Variants in MGME1 observed in about 807,000 individuals in gnomAD.
MGME1 encodes chromosome 20 open reading frame 72.
In MGME1, 22 loss-of-function variants were observed where a neutral mutation model predicts 33.0. The observed-to-expected ratio is 0.67, with a 90% CI of 0.48 to 0.95. The LOEUF (loss-of-function observed/expected upper bound fraction) is 0.95. MGME1 is among the 40% of genes least tolerant of loss of function. MGME1 has a pLI of 0.00. For synonymous variants in MGME1, 133 were observed against 144.0 expected (o/e 0.92, Z 0.55); for missense variants, 383 against 397.8 (o/e 0.96, Z 0.32).
chr20:17,990,409 T>TGGGGG lies in MGME1; in HGVS notation c.*300_*301insGGGGG, dbSNP rs1555792141. 1 of 64,014 alleles carries TGGGGG rather than the reference T, an allele frequency of 1.6e-5. No homozygotes were observed. The highest frequency in any genetic ancestry group is 3.0e-4 in the East Asian group (1 of 3,298). 4.0% of individuals were successfully genotyped at this position (64,014 alleles called of 1,614,324 possible). A position where few individuals can be genotyped will look rare whatever the true frequency, so the allele number is the denominator to read the frequency against. On this transcript the variant is annotated 3_prime_UTR_variant, in exon 5 of 5. Coordinates refer to ENST00000377710, the MANE Select transcript of MGME1 (RefSeq NM_052865.4). ...GACTCTTGTACTCCCTTGAGGGACA[T>TGGGGG]TGGGGGGGGGGGGGCGTGGTCCCAG...
intron 3 of MGME1, 43 bp downstream of exon 3, chr20:17,975,946 A>G: frequency 6.8e-7 from 1 of 1,467,466 alleles, no homozygotes; most frequent in African/African-American, 1.4e-5. Context: ...CGTAGGACAG[A>G]TGGTGCCTGT....
intron 3 of MGME1, among the ~76,000 whole-genome samples, chr20:17,976,459 C>G (rs12624630): frequency 0.29 from 43,387 of 151,798 alleles, 6,822 homozygotes; most frequent in African/African-American, 0.43. Context: ...GCCTGTTTGC[C>G]AGCCTGTCCT....
At chr20:17,981,008 AACCACCCGT>A (rs1178792451) in intron 3 of MGME1, among the ~76,000 whole-genome samples, 1 of 152,082 alleles carries the variant, frequency 6.6e-6, no homozygotes, top group Non-Finnish European at 1.5e-5. Context: ...AATTCTGTTG[AACCACCCGT>A]GGCCAAAGGC....
intron 3 of MGME1, among the ~76,000 whole-genome samples, chr20:17,987,215 G>A (rs1313592209): frequency 2.0e-5 from 3 of 150,158 alleles, no homozygotes. Context: ...GCATCCTAGA[G>A]TTACTGGGGC....
intron 3 of MGME1, among the ~76,000 whole-genome samples, chr20:17,981,298 C>T: frequency 6.6e-6 from 1 of 152,270 alleles, no homozygotes; most frequent in South Asian, 2.1e-4. Flanking sequence ...AGATATTGGG[C>T]TCAGGAGCCA....
chr20:17,970,503 AT>A, intron 2 of MGME1, 133 bp downstream of exon 2: 1 of 815,390 alleles, frequency 1.2e-6, no homozygotes, highest in Non-Finnish European at 1.9e-6. Flanking sequence ...AGTAATTAAC[AT>A]TAAATAGCAC....
At chr20:17,987,170 T>TAAAAA (rs373017515) in intron 3 of MGME1, among the ~76,000 whole-genome samples, 1 of 122,436 alleles carries the variant, frequency 8.2e-6, no homozygotes, top group Non-Finnish European at 1.6e-5. Flanking sequence ...AGACTCCATC[T>TAAAAA]AAAAAAAAAA....
intron 3 of MGME1, among the ~76,000 whole-genome samples, chr20:17,987,555 T>C (rs2036184766): frequency 6.7e-6 from 1 of 149,832 alleles, no homozygotes; most frequent in Admixed American, 6.7e-5. Flanking sequence ...TTCAGCTGTA[T>C]TTTTTTTTTC....
At chr20:17,977,954 A>G (rs1323969991) in intron 3 of MGME1, among the ~76,000 whole-genome samples, 1 of 152,202 alleles carries the variant, frequency 6.6e-6, no homozygotes, top group Admixed American at 6.5e-5. Flanking sequence ...AGATAGAAAA[A>G]TCCGTTCATG....
chr20:17,975,532 G>A lies in MGME1; in HGVS notation c.512-152G>A, dbSNP rs370429081. The stretch of plus-strand genomic sequence containing the variant: ...ATATCGCCCACTACACTCCAGCCTG[G>A]GCGACAGAGGGAGACTCCATCCAAA... On this transcript the variant is annotated intron_variant, in intron 2 of 4. Coordinates refer to ENST00000377710, the MANE Select transcript of MGME1 (RefSeq NM_052865.4). 6.8e-5 allele frequency: 42 copies of A among 617,906 alleles called. 1 individual carries two copies. In the African/African-American group the frequency reaches 7.4e-4, roughly 11 times the overall value. 38.3% of individuals were successfully genotyped at this position (617,906 alleles called of 1,614,324 possible). A position where few individuals can be genotyped will look rare whatever the true frequency, so the allele number is the denominator to read the frequency against.
rs1035649400 is a variant in MGME1 at position 17,991,065 on chromosome 20, A to G, written c.*956A>G. 1.3e-5 allele frequency: 2 copies of G among 152,226 alleles called. No individual in the cohort carries two copies. Among genetic ancestry groups the G allele is most frequent in the African/African-American group, 2.4e-5 (1 of 41,464 alleles). 9.4% of individuals were successfully genotyped at this position (152,226 alleles called of 1,614,324 possible). A position where few individuals can be genotyped will look rare whatever the true frequency, so the allele number is the denominator to read the frequency against. ...TGCCTTAAAATAGTAGCCTGCTACA[A>G]TGACTTCTTTGGGTAGCCATTTTCA... On this transcript the variant is annotated 3_prime_UTR_variant, in exon 5 of 5. Transcript: ENST00000377710.
chr20:17,977,692 A>G (rs2035903819), intron 3 of MGME1, among the ~76,000 whole-genome samples: 1 of 152,216 alleles, frequency 6.6e-6, no homozygotes, highest in Non-Finnish European at 1.5e-5. Flanking sequence ...TTCGTTCTCC[A>G]GATATCAGGG....
chr20:17,971,925 A>G lies in MGME1; in HGVS notation c.511+1555A>G, dbSNP rs1387989227. Among the ~76,000 whole-genome samples, 3 of 152,042 alleles carry G rather than the reference A, an allele frequency of 2.0e-5. No homozygotes were observed. In the East Asian group the frequency reaches 5.8e-4, roughly 29 times the overall value. ...TAATTTTTTTATTTTTTGTAGCGAC[A>G]AGGGTCTCCCTATGTTGCCCAGGCT... is the stretch of plus-strand genomic sequence containing the variant. On this transcript the variant is annotated intron_variant, in intron 2 of 4. Coordinates refer to ENST00000377710, the MANE Select transcript of MGME1 (RefSeq NM_052865.4).
intron 3 of MGME1, among the ~76,000 whole-genome samples, chr20:17,981,310 C>G (rs566649216): frequency 1.3e-5 from 2 of 152,274 alleles, no homozygotes; most frequent in East Asian, 3.9e-4. Flanking sequence ...CAGGAGCCAG[C>G]TGCTTGAGTT....
chr20:17,987,275 T>G (rs1267210111), intron 3 of MGME1, among the ~76,000 whole-genome samples: 1 of 151,930 alleles, frequency 6.6e-6, no homozygotes, highest in African/African-American at 2.4e-5. Flanking sequence ...TACAAAACAA[T>G]TCTGAAGACA....
intron 3 of MGME1, among the ~76,000 whole-genome samples, chr20:17,980,187 A>T (rs928383579): frequency 6.6e-6 from 1 of 151,404 alleles, no homozygotes; most frequent in Non-Finnish European, 1.5e-5. Context: ...TACCATACCC[A>T]GCTCATTTTT....
chr20:17,977,212 C>T (rs2035891595), intron 3 of MGME1, among the ~76,000 whole-genome samples: 1 of 151,752 alleles, frequency 6.6e-6, no homozygotes, highest in Non-Finnish European at 1.5e-5. Flanking sequence ...TCCGTCTCTA[C>T]TAAAAATACA....
At chr20:17,989,606 C>T (rs6136253) in intron 4 of MGME1, among the ~76,000 whole-genome samples, 102,311 of 149,920 alleles carry the variant, frequency 0.68, 34,945 homozygotes, top group African/African-American at 0.75. Context: ...GAGGGTGCAA[C>T]GAGCCGAGAT....
intron 3 of MGME1, among the ~76,000 whole-genome samples, chr20:17,977,325 G>A (rs1287887486): frequency 1.3e-5 from 2 of 151,610 alleles, no homozygotes; most frequent in Non-Finnish European, 1.5e-5. Context: ...GCAGTGAACC[G>A]AGATGGTGCC....
Sources: allele counts gnomAD v4.1 joint callset (sites outside exome capture counted in the v4.1 genomes callset), GRCh38; gene constraint gnomAD v4.1.1; transcripts MANE v1.5; gene names NCBI Gene and HGNC (gene_info 2026-07-23, HGNC 2026-07-21).